The following LRRFIP1 variants were observed in gnomAD, a reference collection of about 807,000 sequenced individuals.
LRRFIP1 encodes the protein leucine-rich repeat flightless-interacting protein 1.
In LRRFIP1, 62 loss-of-function variants were observed where a neutral mutation model predicts 104.4. The ratio of observed to expected loss-of-function variants is 0.59; its 90% confidence interval spans 0.48 to 0.73. The LOEUF is 0.73. Ranked by LOEUF, LRRFIP1 falls within the 30% of genes least tolerant of loss-of-function variation. The pLI, the probability that LRRFIP1 is intolerant of heterozygous loss-of-function variation, is 0.00. For synonymous variants in LRRFIP1, 300 were observed against 299.0 expected, an observed-to-expected ratio of 1.00 and a Z score of -0.03; for missense variants, 796 against 824.5, an observed-to-expected ratio of 0.97 and a Z score of 0.42.
intron 14 of LRRFIP1, among the ~76,000 whole-genome samples, chr2:237,752,263 A>T (rs1195734755): frequency 1.3e-5 from 2 of 152,136 alleles, no homozygotes; most frequent in Non-Finnish European, 2.9e-5. Flanking sequence ...AAAATTAGCC[A>T]GGTGTGGTGG....
intron 2 of LRRFIP1, among the ~76,000 whole-genome samples, chr2:237,712,799 A>G (rs747041495): frequency 3.9e-5 from 6 of 152,138 alleles, no homozygotes; most frequent in Non-Finnish European, 7.4e-5. Context: ...CACCTCCCTC[A>G]CGCTCTTCTT....
chr2:237,758,852 A>G lies in LRRFIP1; in HGVS notation c.1317+31A>G, dbSNP rs890734999. ...AAGCCAAACTACAGTTTTATTTAAA[A>G]AAAAAGAAAAAAAATCCAGGTGACA... On this transcript the variant is annotated intron_variant, in intron 18 of 23. Transcript: ENST00000308482. The G allele has an allele frequency of 4.6e-6, 7 of 1,511,114 alleles. No homozygotes were observed. The African/African-American group carries it at 1.1e-4, about 23-fold the overall frequency. 93.6% of individuals were successfully genotyped at this position (1,511,114 alleles called of 1,614,324 possible).
chr2:237,730,986 G>A (rs1237974101), intron 8 of LRRFIP1, among the ~76,000 whole-genome samples: 1 of 152,146 alleles, frequency 6.6e-6, no homozygotes, highest in Non-Finnish European at 1.5e-5. Context: ...ACCAGGTAGA[G>A]CCTAGAGGGG....
chr2:237,749,895 G>A (rs533635014), intron 13 of LRRFIP1, among the ~76,000 whole-genome samples: 1 of 152,274 alleles, frequency 6.6e-6, no homozygotes, highest in South Asian at 2.1e-4. Context: ...AGTATTCTGT[G>A]TGTGAAAGAG....
chr2:237,712,627 G>A (rs530722132), intron 2 of LRRFIP1, among the ~76,000 whole-genome samples: 2 of 152,294 alleles, frequency 1.3e-5, no homozygotes, highest in Non-Finnish European at 2.9e-5. Flanking sequence ...GCACGCATTC[G>A]TGTGTGTGCG....
chr2:237,652,048 T>C (rs1257077649), intron 1 of LRRFIP1, among the ~76,000 whole-genome samples: 1 of 152,230 alleles, frequency 6.6e-6, no homozygotes, highest in Non-Finnish European at 1.5e-5. Context: ...CCCTCAGTGG[T>C]CGTCCCATGT....
At chr2:237,747,804 CCTT>C (rs1057176254) in intron 11 of LRRFIP1, among the ~76,000 whole-genome samples, 1 of 151,992 alleles carries the variant, frequency 6.6e-6, no homozygotes, top group African/African-American at 2.4e-5. Flanking sequence ...ACCTTGGTAA[CCTT>C]CTCAGTGGGC....
intron 1 of LRRFIP1, among the ~76,000 whole-genome samples, chr2:237,664,978 A>G (rs1167756164): frequency 6.6e-6 from 1 of 152,206 alleles, no homozygotes; most frequent in African/African-American, 2.4e-5. Flanking sequence ...GGAAGCTAAC[A>G]AATGACTTCA....
chr2:237,660,445 A>G (rs1032500029), intron 1 of LRRFIP1, among the ~76,000 whole-genome samples: 1 of 150,924 alleles, frequency 6.6e-6, no homozygotes, highest in African/African-American at 2.5e-5. Context: ...ACAGCTGGCC[A>G]GTGTAGGTTT....
chr2:237,740,234 C>A (rs1213788356), intron 11 of LRRFIP1, among the ~76,000 whole-genome samples: 2 of 151,056 alleles, frequency 1.3e-5, no homozygotes, highest in African/African-American at 4.9e-5. Flanking sequence ...AGCAAGACCC[C>A]CCATCTCTAA....
intron 7 of LRRFIP1, among the ~76,000 whole-genome samples, chr2:237,725,493 C>T (rs1234891679): frequency 6.6e-6 from 1 of 152,050 alleles, no homozygotes; most frequent in Non-Finnish European, 1.5e-5. Flanking sequence ...TAAAAACAGC[C>T]CCACCCATCT....
intron 1 of LRRFIP1, among the ~76,000 whole-genome samples, chr2:237,668,208 C>T (rs1263691017): frequency 6.6e-6 from 1 of 152,090 alleles, no homozygotes; most frequent in Non-Finnish European, 1.5e-5. Context: ...ACATAGTGAC[C>T]TCGGCAGCCT....
At chr2:237,769,815 C>G in intron 19 of LRRFIP1, 128 bp from the exon 20 acceptor site, 1 of 740,276 alleles carries the variant, frequency 1.4e-6, no homozygotes, top group Non-Finnish European at 2.4e-6. Flanking sequence ...CCTCATTCAC[C>G]GTGGTACGTG....
In LRRFIP1 at chr2:237,735,307, C is replaced by A. The variant is rs374484573; in HGVS notation, c.529C>A (p.Arg177=). 2.0e-5 allele frequency: 32 copies of A among 1,613,384 alleles called. No homozygotes were observed. Among genetic ancestry groups the A allele is most frequent in the Admixed American group, 8.3e-5 (5 of 59,990 alleles). ...TGAAGGCAGCTTCGGTGGGACCCGA[C>A]GGGGCAGCACCTCCGGCTCCCGTGC... ...LDEGSFGGTR[R]GSTSGSRAPS... Residue 177 remains arginine (R), a synonymous_variant, in exon 10 of 24, where the codon CGG becomes AGG. Coordinates refer to ENST00000308482, the MANE Select transcript of LRRFIP1 (RefSeq NM_001137550.2). The surrounding 1 kb of genome is among the most constrained non-coding windows in gnomAD (Gnocchi z 4.6).
chr2:237,650,210 T>C (rs893455781), intron 1 of LRRFIP1, among the ~76,000 whole-genome samples: 13 of 152,054 alleles, frequency 8.5e-5, no homozygotes, highest in African/African-American at 1.2e-4. Flanking sequence ...GTGATGTTCA[T>C]GGCAGTGGGA....
At chr2:237,713,811 G>C (rs902598152) in intron 2 of LRRFIP1, among the ~76,000 whole-genome samples, 1 of 152,104 alleles carries the variant, frequency 6.6e-6, no homozygotes, top group African/African-American at 2.4e-5. Context: ...CTGTTATTCT[G>C]TGTGTGTCTG....
At chr2:237,759,484 T>C (rs1415822556) in intron 18 of LRRFIP1, among the ~76,000 whole-genome samples, 1 of 152,090 alleles carries the variant, frequency 6.6e-6, no homozygotes, top group East Asian at 1.9e-4. Context: ...TCAGGGGAGT[T>C]CCTCACACAC....
chr2:237,749,631 C>T (rs774066793), intron 13 of LRRFIP1, among the ~76,000 whole-genome samples: 7 of 152,084 alleles, frequency 4.6e-5, no homozygotes, highest in Admixed American at 2.6e-4. Context: ...TGCACTTGGT[C>T]GTCTCTGTAT....
At position 237,751,192 on chromosome 2, in the gene LRRFIP1, T is replaced by C. The variant is rs1334671731; in HGVS notation, c.796-8T>C. On this transcript the variant is annotated splice_polypyrimidine_tract_variant and splice_region_variant and intron_variant, in intron 13 of 23. Transcript: ENST00000308482. ...GACATCATCTGCCTTTTTTGCCATT[T>C]CCCCCAGGAACTCAATGAGTTAAAG... 1 of 1,601,890 alleles carries C rather than the reference T, an allele frequency of 6.2e-7. No individual in the cohort carries two copies.
Sources: allele counts gnomAD v4.1 joint callset (sites outside exome capture counted in the v4.1 genomes callset), GRCh38; gene constraint gnomAD v4.1.1; non-coding constraint Gnocchi (gnomAD v3.1); transcripts MANE v1.5; gene names NCBI Gene and HGNC (gene_info 2026-07-23, HGNC 2026-07-21).